TTLL7: variants seen among roughly 807,000 people sequenced by gnomAD.
The protein encoded by TTLL7 is tubulin tyrosine ligase like 7, also known as tubulin polyglutamylase TTLL7.
Under a neutral mutation model 120.2 loss-of-function variants are expected in TTLL7, and 53 were observed. The observed-to-expected ratio is 0.44, with a 90% CI of 0.35 to 0.55. TTLL7 has a LOEUF of 0.55. TTLL7 is among the 20% of genes least tolerant of loss of function. The pLI, the probability that TTLL7 is intolerant of heterozygous loss-of-function variation, is 0.00. For synonymous variants in TTLL7, 353 were observed against 351.7 expected, an observed-to-expected ratio of 1.00 and a Z score of -0.04; for missense variants, 803 against 1,054.7, an observed-to-expected ratio of 0.76 and a Z score of 3.31.
chr1:83,906,453 A>C lies in TTLL7; in HGVS notation c.2003T>G (p.Leu668Trp), dbSNP rs763571666. The change falls in exon 17 of 21, where the codon TTG (leucine) becomes TGG (tryptophan). Residue 668 changes from leucine (L) to tryptophan (W), a missense_variant. This residue lies in a region of TTLL7 where 388 missense variants were observed against 450.4 expected (regional missense o/e 0.86). Coordinates refer to ENST00000260505, the MANE Select transcript of TTLL7 (RefSeq NM_024686.6). ...CSTNSQVSES[L>W]RQLKTKEQED... ...TTGTTCTTTTGTTTTCAGTTGCCGCAAAGACTCACTCTTAAATTTGAAAGA... is the reference window on the plus strand; with the variant it reads ...TTGTTCTTTTGTTTTCAGTTGCCGCCAAGACTCACTCTTAAATTTGAAAGA... The C allele has an allele frequency of 7.0e-5, 113 of 1,611,838 alleles. No homozygotes were observed. Among genetic ancestry groups the C allele is most frequent in the Non-Finnish European group, 8.2e-5 (97 of 1,178,786 alleles).
chr1:83,930,123 A>G (rs1659473123), intron 9 of TTLL7, among the ~76,000 whole-genome samples: 1 of 152,160 alleles, frequency 6.6e-6, no homozygotes, highest in Admixed American at 6.6e-5. Flanking sequence ...AAAACAAATA[A>G]CAAAAGATAC....
At chr1:83,897,826 C>G (rs996203713) in intron 18 of TTLL7, among the ~76,000 whole-genome samples, 1 of 148,678 alleles carries the variant, frequency 6.7e-6, no homozygotes, top group Non-Finnish European at 1.5e-5. Flanking sequence ...TGCCTACTTG[C>G]GCTCTCTCTC....
intron 1 of TTLL7, among the ~76,000 whole-genome samples, chr1:83,953,155 T>C (rs990922546): frequency 6.6e-6 from 1 of 152,336 alleles, no homozygotes; most frequent in Middle Eastern, 3.4e-3. Flanking sequence ...ATGAATTAAT[T>C]TGATCTGGCT....
rs12142921 is a variant in TTLL7, at chr1:83,923,052, G to A, written c.1143-1658C>T. Among the ~76,000 whole-genome samples, 301 of 150,772 alleles carry A rather than the reference G, an allele frequency of 2.0e-3. 13 individuals carry two copies. Among genetic ancestry groups the A allele is most frequent in the Non-Finnish European group, 3.6e-3 (242 of 67,660 alleles). ...AGTTCTGATTTTAGTGAGTCCACTG[G>A]CATTTTCAATGATGAATACAAATTT... is the stretch of plus-strand genomic sequence containing the variant. On this transcript the variant is annotated intron_variant, in intron 10 of 20. Transcript: ENST00000260505.
chr1:83,911,010 A>G (rs1406793409), intron 15 of TTLL7, among the ~76,000 whole-genome samples, 155 bp downstream of exon 15: 1 of 152,112 alleles, frequency 6.6e-6, no homozygotes, highest in East Asian at 1.9e-4. Context: ...TAATTAAGGG[A>G]TGTGCCCGAG....
chr1:83,981,789 C>G (rs1205525066), intron 1 of TTLL7, among the ~76,000 whole-genome samples: 1 of 151,336 alleles, frequency 6.6e-6, no homozygotes, highest in Non-Finnish European at 1.5e-5. Context: ...CAAGATCGCA[C>G]CACTGCACTC....
intron 14 of TTLL7, among the ~76,000 whole-genome samples, chr1:83,914,451 C>T (rs1461382551): frequency 6.6e-6 from 1 of 150,750 alleles, no homozygotes; most frequent in Non-Finnish European, 1.5e-5. Flanking sequence ...CCTGCTTCAG[C>T]CTCCCGAGTA....
At chr1:83,983,220 A>G (rs1284836876) in intron 1 of TTLL7, among the ~76,000 whole-genome samples, 1 of 152,072 alleles carries the variant, frequency 6.6e-6, no homozygotes, top group East Asian at 1.9e-4. Context: ...AGTCCCAGCT[A>G]CTCGAGAGGC....
At chr1:83,942,239 A>C (rs148277369) in intron 7 of TTLL7, among the ~76,000 whole-genome samples, 2 of 152,302 alleles carry the variant, frequency 1.3e-5, no homozygotes, top group African/African-American at 4.8e-5. Context: ...CAGAGAGGGT[A>C]ATTTTTCCCA....
intron 3 of TTLL7, among the ~76,000 whole-genome samples, chr1:83,951,056 A>T (rs1289493238): frequency 6.6e-6 from 1 of 152,202 alleles, no homozygotes; most frequent in Non-Finnish European, 1.5e-5. Flanking sequence ...AGTTACGTTT[A>T]GAAGGAACGT....
intron 18 of TTLL7, among the ~76,000 whole-genome samples, chr1:83,898,328 C>T (rs1377233679): frequency 1.3e-5 from 2 of 151,926 alleles, no homozygotes; most frequent in Non-Finnish European, 2.9e-5. Context: ...AAATTTCAGC[C>T]TGCAACCCTT....
chr1:83,865,870 A>G lies in TTLL7; in HGVS notation c.*4092T>C, dbSNP rs1365910195. On this transcript the variant is annotated 3_prime_UTR_variant, in exon 21 of 21. Coordinates refer to ENST00000260505, the MANE Select transcript of TTLL7 (RefSeq NM_024686.6). ...AAGGTCAAAATTTCACCTTTGAACT[A>G]AAAAAGAAATAAAGAATAGGCAGTG... 1 of 152,010 alleles carries G rather than the reference A, an allele frequency of 6.6e-6. No homozygotes were observed. The highest frequency in any genetic ancestry group is 1.5e-5 in the Non-Finnish European group (1 of 67,862). 9.4% of individuals were successfully genotyped at this position (152,010 alleles called of 1,614,324 possible). A position where few individuals can be genotyped will look rare whatever the true frequency, so the allele number is the denominator to read the frequency against.
At chr1:83,969,171 A>C (rs1029325778) in intron 1 of TTLL7, among the ~76,000 whole-genome samples, 2 of 151,906 alleles carry the variant, frequency 1.3e-5, no homozygotes, top group African/African-American at 4.8e-5. Flanking sequence ...CTTTTGGTAA[A>C]GTGACCATGT....
chr1:83,874,565 T>C (rs1276423607), intron 20 of TTLL7, among the ~76,000 whole-genome samples: 1 of 152,078 alleles, frequency 6.6e-6, no homozygotes, highest in African/African-American at 2.4e-5. Context: ...TTTCTACAAC[T>C]GCCACACAGT....
Position 83,952,217 on chromosome 1 carries a change from C to T in TTLL7, c.-6G>A, listed in dbSNP as rs1052790007. On this transcript the variant is annotated 5_prime_UTR_variant, in exon 2 of 21. Transcript: ENST00000260505. ...TCTTGAGGCAGAGATGGCATTATTGCCTGTGCTGATTAGCAAGCAGTGTGT... is the reference window on the plus strand; with the variant it reads ...TCTTGAGGCAGAGATGGCATTATTGTCTGTGCTGATTAGCAAGCAGTGTGT... 9.9e-6 allele frequency: 16 copies of T among 1,613,904 alleles called. No individual in the cohort carries two copies. Among genetic ancestry groups the T allele is most frequent in the Admixed American group, 1.7e-5 (1 of 60,008 alleles).
At chr1:83,982,373 A>AG (rs1281015008) in intron 1 of TTLL7, among the ~76,000 whole-genome samples, 1 of 152,116 alleles carries the variant, frequency 6.6e-6, no homozygotes, top group Non-Finnish European at 1.5e-5. Flanking sequence ...TGCAAGAGGG[A>AG]GAAAAAAAAT....
chr1:83,891,637 G>GT (rs1407792866), intron 18 of TTLL7, among the ~76,000 whole-genome samples: 5 of 152,120 alleles, frequency 3.3e-5, no homozygotes, highest in Admixed American at 2.6e-4. Flanking sequence ...GTTAACAATT[G>GT]TAAACACCTA....
At chr1:83,878,889 C>G (rs1289865758) in intron 20 of TTLL7, among the ~76,000 whole-genome samples, 1 of 151,852 alleles carries the variant, frequency 6.6e-6, no homozygotes, top group Non-Finnish European at 1.5e-5. Flanking sequence ...TCTTTAAATC[C>G]TCTTAAGAAA....
At chr1:83,983,781 C>A (rs1046515712) in intron 1 of TTLL7, 2 of 152,090 alleles carry the variant, frequency 1.3e-5, no homozygotes, top group Non-Finnish European at 2.9e-5. Context: ...AATCAAAAAA[C>A]AAATAATTTT....
Sources: gnomAD v4.1 joint callset for allele counts (sites outside exome capture counted in the v4.1 genomes callset) on GRCh38, gnomAD v4.1.1 for gene constraint, gnomAD v4.1.1 regional missense constraint, MANE v1.5 for transcripts, NCBI Gene and HGNC (gene_info 2026-07-23, HGNC 2026-07-21) for gene names.